The following EP300 variants were observed in gnomAD, a reference collection of about 807,000 sequenced individuals.
EP300 encodes the protein histone acetyltransferase p300.
In EP300, 31 loss-of-function variants were observed where a neutral mutation model predicts 264.0. That is an observed-to-expected ratio of 0.12 (90% CI 0.09 to 0.16). EP300 has a LOEUF of 0.16. EP300 is among the 10% of genes least tolerant of loss of function. The pLI, the probability that EP300 is intolerant of heterozygous loss-of-function variation, is 1.00. For synonymous variants in EP300, 1,340 were observed against 1,045.4 expected (o/e 1.28, Z -5.44); for missense variants, 2,766 against 3,052.9 (o/e 0.91, Z 2.21).
At chr22:41,142,213 T>TA (rs1211732994) in intron 10 of EP300, among the ~76,000 whole-genome samples, 2 of 152,156 alleles carry the variant, frequency 1.3e-5, no homozygotes, top group Non-Finnish European at 2.9e-5. Context: ...TTTACTGAGT[T>TA]AGGAAATGCT....
rs1033957799 is a variant in EP300 at position 41,157,545 on chromosome 22, A to G, written c.3501+137A>G. On this transcript the variant is annotated intron_variant, in intron 18 of 30. Transcript: ENST00000263253. ...TTTTTTTTTTTTTTTCCTTTTTGAC[A>G]GGGTCTTATTCTCCCAGGCTGGAGT... The G allele has an allele frequency of 3.9e-6, 4 of 1,031,142 alleles. No homozygotes were observed. The African/African-American group carries it at 6.3e-5, about 16-fold the overall frequency. 63.9% of individuals were successfully genotyped at this position (1,031,142 alleles called of 1,614,324 possible).
chr22:41,099,661 T>C (rs183332754), intron 1 of EP300, among the ~76,000 whole-genome samples: 218 of 152,320 alleles, frequency 1.4e-3, no homozygotes, highest in Non-Finnish European at 2.4e-3. Flanking sequence ...AGTCAAGAAC[T>C]TTCACCTTCA....
chr22:41,098,382 T>A (rs1206437348), intron 1 of EP300, among the ~76,000 whole-genome samples: 3 of 151,950 alleles, frequency 2.0e-5, no homozygotes, highest in Admixed American at 6.6e-5. Context: ...GAAGTGATTG[T>A]TTTTTTTGAG....
intron 1 of EP300, among the ~76,000 whole-genome samples, chr22:41,105,420 A>G (rs1472344124): frequency 6.6e-6 from 1 of 150,940 alleles, no homozygotes; most frequent in Non-Finnish European, 1.5e-5. Context: ...TTTTTTTGAG[A>G]TGGAGTCTCA....
At chr22:41,111,041 C>T (rs1304722264) in intron 1 of EP300, among the ~76,000 whole-genome samples, 2 of 151,470 alleles carry the variant, frequency 1.3e-5, no homozygotes, top group East Asian at 1.9e-4. Context: ...TCTCTGCTCA[C>T]TGCAAACTCT....
intron 3 of EP300, among the ~76,000 whole-genome samples, chr22:41,126,721 A>G (rs1044496655): frequency 7.5e-6 from 1 of 133,596 alleles, no homozygotes; most frequent in Non-Finnish European, 1.6e-5. Flanking sequence ...TGTCCCGAGA[A>G]ATGTTCACTT....
At chr22:41,173,572 A>T (rs375936936) in intron 28 of EP300, 51 bp from the exon 29 acceptor site, 1 of 1,599,614 alleles carries the variant, frequency 6.3e-7, no homozygotes, top group Non-Finnish European at 8.6e-7. Context: ...GCTATTCCCA[A>T]ATTACTTAAC....
chr22:41,142,564 T>G (rs2058988891), intron 10 of EP300, among the ~76,000 whole-genome samples: 1 of 151,986 alleles, frequency 6.6e-6, no homozygotes, highest in Non-Finnish European at 1.5e-5. Context: ...AGTACATGAT[T>G]TGGACTTGAG....
Position 41,127,688 on chromosome 22 carries a change from C to T in EP300, c.1108C>T (p.Arg370Cys), listed in dbSNP as rs777402829. 1 of 1,614,212 alleles carries T rather than the reference C, an allele frequency of 6.2e-7. No homozygotes were observed. Among genetic ancestry groups the T allele is most frequent in the Non-Finnish European group, 8.5e-7 (1 of 1,180,046 alleles). Residue 370 changes from arginine to cysteine, a missense_variant, in exon 4 of 31, where the codon CGC becomes TGC. By Grantham distance (180) the Arg-to-Cys change is radical. Coordinates refer to ENST00000263253, the MANE Select transcript of EP300 (RefSeq NM_001429.4). ...GAGGCAGTGCAACCTTCCCCACTGT[C>T]GCACAATGAAGAATGTCCTAAACCA... ...EVRQCNLPHC[R>C]TMKNVLNHMT...
intron 1 of EP300, among the ~76,000 whole-genome samples, chr22:41,107,819 G>T (rs2058765982): frequency 6.6e-6 from 1 of 152,072 alleles, no homozygotes; most frequent in Non-Finnish European, 1.5e-5. Context: ...TCCTGCCTCA[G>T]CCTCCCAAGT....
Position 41,129,743 on chromosome 22 carries a change from G to A in EP300, c.1169-147G>A, listed in dbSNP as rs143832842. On this transcript the variant is annotated intron_variant, in intron 4 of 30. Transcript: ENST00000263253. The stretch of plus-strand genomic sequence containing the variant: ...TGCCTTTCTTGACTGTGAATTCTGA[G>A]TATTAATAGGAGCTACCTTATAGGG... The A allele has an allele frequency of 1.8e-3, 1,192 of 648,528 alleles. 5 individuals carry two copies. The highest frequency in any genetic ancestry group is 4.6e-3 in the Middle Eastern group (12 of 2,630). The allele number at this position is 648,528 out of a possible 1,614,324, so 40.2% of individuals were successfully genotyped here. A position where few individuals can be genotyped will look rare whatever the true frequency, so the allele number is the denominator to read the frequency against.
chr22:41,104,112 C>G (rs1601590014), intron 1 of EP300, among the ~76,000 whole-genome samples: 2 of 152,062 alleles, frequency 1.3e-5, no homozygotes, highest in Non-Finnish European at 2.9e-5. Flanking sequence ...GGGTATGTTT[C>G]TCCATCTAGG....
At chr22:41,155,597 A>G (rs2059072674) in intron 17 of EP300, among the ~76,000 whole-genome samples, 1 of 152,180 alleles carries the variant, frequency 6.6e-6, no homozygotes, top group Non-Finnish European at 1.5e-5. Flanking sequence ...CATCATCTGA[A>G]AAAAATCCTT....
At chr22:41,125,070 C>G (rs1044789523) in intron 2 of EP300, among the ~76,000 whole-genome samples, 7 of 148,396 alleles carry the variant, frequency 4.7e-5, no homozygotes, top group African/African-American at 1.8e-4. Flanking sequence ...TCCTGAGTAG[C>G]TGGGACCACA....
At chr22:41,158,712 C>T in intron 19 of EP300, 1 of 545,690 alleles carries the variant, frequency 1.8e-6, no homozygotes, top group South Asian at 2.0e-5. Context: ...TGGGTTCCTC[C>T]CAAGAGCTTG....
intron 23 of EP300, among the ~76,000 whole-genome samples, chr22:41,167,580 GTGTGTATATA>G (rs1416828436): frequency 2.3e-4 from 7 of 30,182 alleles, no homozygotes; most frequent in Admixed American, 6.4e-4. Context: ...GTGTGTGTGT[GTGTGTATATA>G]TATATATATA....
chr22:41,140,192 A>G lies in EP300; in HGVS notation c.1813A>G (p.Met605Val). The G allele has an allele frequency of 6.2e-7, 1 of 1,614,168 alleles. No individual in the cohort carries two copies. Among genetic ancestry groups the G allele is most frequent in the Non-Finnish European group, 8.5e-7 (1 of 1,180,026 alleles). The change falls in exon 9 of 31, where the codon ATG becomes GTG. Residue 605 changes from methionine to valine, a missense_variant. Met to Val is a conservative substitution (Grantham distance 21). Transcript: ENST00000263253. ...TCCTGCTGCTTTAAAAGACAGACGGATGGAAAACCTAGTTGCATATGCTCG... is the reference window on the plus strand; with the variant it reads ...TCCTGCTGCTTTAAAAGACAGACGGGTGGAAAACCTAGTTGCATATGCTCG... ...PDPAALKDRR[M>V]ENLVAYARKV... is the part of the protein sequence containing the mutation.
In EP300 at chr22:41,129,941, C is replaced by T. The variant is rs2145713579; in HGVS notation, c.1220C>T (p.Thr407Ile). 6.8e-6 allele frequency: 11 copies of T among 1,613,950 alleles called. No homozygotes were observed. Among genetic ancestry groups the T allele is most frequent in the Admixed American group, 1.7e-5 (1 of 60,010 alleles). Residue 407 changes from threonine (T) to isoleucine (I), a missense_variant, in exon 5 of 31, where the codon ACA (threonine) becomes ATA (isoleucine). Thr to Ile is a moderately conservative substitution (Grantham distance 89, BLOSUM62 -1). Coordinates refer to ENST00000263253, the MANE Select transcript of EP300 (RefSeq NM_001429.4). ...RQIISHWKNCTRHDCPVCLPL... is the reference protein window; with the variant it reads ...RQIISHWKNCIRHDCPVCLPL... ...ATCATTTCACACTGGAAGAATTGTA[C>T]AAGACATGATTGTCCTGTGTGTCTC... is the stretch of plus-strand genomic sequence containing the variant.
At chr22:41,157,482 G>C (rs1408109875) in intron 18 of EP300, 74 bp downstream of exon 18, 13 of 982,514 alleles carry the variant, frequency 1.3e-5, no homozygotes, top group Non-Finnish European at 2.0e-5. Context: ...ACTGGGATAA[G>C]AGAATATCCT....
Sources: gnomAD v4.1 joint callset for allele counts (sites outside exome capture counted in the v4.1 genomes callset) on GRCh38, gnomAD v4.1.1 for gene constraint, MANE v1.5 for transcripts, NCBI Gene and HGNC (gene_info 2026-07-23, HGNC 2026-07-21) for gene names.